ZNF177: variants seen among roughly 807,000 people sequenced by gnomAD.
ZNF177 encodes zinc finger protein 177.
In ZNF177, 17 loss-of-function variants were observed where a neutral mutation model predicts 19.4. That is an observed-to-expected ratio of 0.87 (90% CI 0.60 to 1.31). ZNF177 has a LOEUF of 1.31. Ranked by LOEUF, ZNF177 falls within the 40% of genes most tolerant of loss-of-function variation. The pLI, the probability that ZNF177 is intolerant of heterozygous loss-of-function variation, is 0.00. For synonymous variants in ZNF177, 220 were observed against 188.7 expected (o/e 1.17, Z -1.36); for missense variants, 633 against 561.8 (o/e 1.13, Z -1.28).
upstream of ZNF177, among the ~76,000 whole-genome samples, chr19:9,373,813 C>T (rs112194784): frequency 1.3e-4 from 20 of 151,942 alleles, no homozygotes; most frequent in Non-Finnish European, 2.2e-4. Flanking sequence ...GTATGTATTT[C>T]GTAAATATTT....
exon 2 of ZNF177, chr19:9,378,282 C>T: frequency 2.5e-6 from 4 of 1,613,234 alleles, no homozygotes; most frequent in Non-Finnish European, 3.4e-6. Context: ...GGACTCTGCC[C>T]AGCCAGGAAG....
In ZNF177 at chr19:9,380,794, A is replaced by G. The variant is rs2068185339; in HGVS notation, c.463A>G (p.Lys155Glu). Reference sequence around the variant, plus strand: ...ATGCTATAAATATATAAAGTATAGCAAAGTCTTCAACCATCCCTCAACTCT... The same window carrying G: ...ATGCTATAAATATATAAAGTATAGCGAAGTCTTCAACCATCCCTCAACTCT... The change falls in exon 6 of 6, where the codon AAA (lysine) becomes GAA (glutamate). Residue 155 changes from lysine to glutamate, a missense_variant. Physicochemically the swap from Lys to Glu is moderately conservative, Grantham distance 56. Transcript: ENST00000589262. The G allele has an allele frequency of 2.6e-6, 4 of 1,536,094 alleles. No homozygotes were observed. In the East Asian group the frequency reaches 9.8e-5, roughly 38 times the overall value.
chr19:9,380,715 G>T (rs763370021), exon 6 of ZNF177: 3 of 1,535,756 alleles, frequency 2.0e-6, no homozygotes, highest in African/African-American at 2.7e-5. Flanking sequence ...ACCATTGTGG[G>T]AAATTCAGAA....
At chr19:9,379,225 G>A in intron 3 of ZNF177, 137 bp downstream of exon 5, 1 of 1,363,812 alleles carries the variant, frequency 7.3e-7, no homozygotes, top group Non-Finnish European at 9.7e-7. Flanking sequence ...TGAGGGGGCA[G>A]TCCAGTGGCT....
At chr19:9,380,214 C>T in intron 5 of ZNF177, 75 bp downstream of exon 7, 5 of 1,479,682 alleles carry the variant, frequency 3.4e-6, no homozygotes, top group Non-Finnish European at 3.6e-6. Context: ...AACATCAGCA[C>T]CCAAAGCAGG....
At chr19:9,379,461 A>G (rs2068158075) in intron 3 of ZNF177, 66 bp from the exon 6 acceptor site, 1 of 1,547,600 alleles carries the variant, frequency 6.5e-7, no homozygotes, top group Admixed American at 2.0e-5. Context: ...AAAGTATGGC[A>G]ATCAGTTTTG....
In ZNF177 at chr19:9,364,485, G is replaced by A. The variant is rs142659309; in HGVS notation, c.-391-377G>A. Among the ~76,000 whole-genome samples the A allele has an allele frequency of 1.1e-3, 166 of 152,198 alleles. 1 individual carries two copies. The highest frequency in any genetic ancestry group is 3.9e-3 in the African/African-American group (161 of 41,494). ...TCTTAAACTGACAAGGGAATTAGTG[G>A]AATAACTCTTTTTGTCGTGTCGGTG... On this transcript the variant is annotated intron_variant, in intron 1 of 8. Transcript: ENST00000343499.
At chr19:9,378,555 A>T in intron 2 of ZNF177, 2 of 788,942 alleles carry the variant, frequency 2.5e-6, no homozygotes, top group Non-Finnish European at 4.0e-6. Flanking sequence ...CATATTTTTG[A>T]GTATGAATTC....
At chr19:9,375,885 T>C (rs1468680040), upstream of ZNF177, among the ~76,000 whole-genome samples, 1 of 152,148 alleles carries the variant, frequency 6.6e-6, no homozygotes, top group African/African-American at 2.4e-5. Flanking sequence ...TCTTTTTCCT[T>C]CTACTGACTT....
At chr19:9,367,902 T>C (rs1469543187) in intron 2 of ZNF177, among the ~76,000 whole-genome samples, 5 of 152,216 alleles carry the variant, frequency 3.3e-5, no homozygotes, top group Non-Finnish European at 7.3e-5. Context: ...AGCTCTTGCC[T>C]ATAGAGTGGA....
intron 2 of ZNF177, among the ~76,000 whole-genome samples, chr19:9,369,517 A>G (rs1480608366): frequency 2.6e-5 from 4 of 152,142 alleles, no homozygotes; most frequent in African/African-American, 9.6e-5. Flanking sequence ...ATGAAATAAC[A>G]TAGAGCTAGT....
At chr19:9,378,232 T>C (rs2068139897) in intron 1 of ZNF177, 27 bp from the exon 4 acceptor site, 1 of 1,591,396 alleles carries the variant, frequency 6.3e-7, no homozygotes, top group Non-Finnish European at 8.5e-7. Flanking sequence ...AGGCCTAGAC[T>C]CTAATGGCTT....
At chr19:9,367,136 C>T (rs377091986) in intron 2 of ZNF177, among the ~76,000 whole-genome samples, 1 of 152,090 alleles carries the variant, frequency 6.6e-6, no homozygotes, top group Non-Finnish European at 1.5e-5. Context: ...CTGGCTAACA[C>T]GGTGAAACCC....
At chr19:9,378,574 A>G in intron 2 of ZNF177, 1 of 677,490 alleles carries the variant, frequency 1.5e-6, no homozygotes, top group South Asian at 2.1e-5. Context: ...TCCATACTGT[A>G]GTGAGTGCTG....
At chr19:9,365,565 G>A (rs1055012938) in intron 2 of ZNF177, among the ~76,000 whole-genome samples, 2 of 152,160 alleles carry the variant, frequency 1.3e-5, no homozygotes, top group Non-Finnish European at 2.9e-5. Context: ...AGTACTTGCC[G>A]CTAAGGGTGA....
chr19:9,381,396 T>G (rs1335259170), exon 6 of ZNF177: 1 of 1,612,948 alleles, frequency 6.2e-7, no homozygotes. Flanking sequence ...CTTCATCCCT[T>G]CAGAAACATG....
At chr19:9,377,000 A>G (rs1434663924) in intron 1 of ZNF177, among the ~76,000 whole-genome samples, 1 of 152,084 alleles carries the variant, frequency 6.6e-6, no homozygotes, top group Non-Finnish European at 1.5e-5. Flanking sequence ...GGAAGTTTTT[A>G]TCTCTCCTTC....
At chr19:9,374,735 TGTTA>T (rs1206263222), upstream of ZNF177, among the ~76,000 whole-genome samples, 3 of 152,292 alleles carry the variant, frequency 2.0e-5, no homozygotes, top group Admixed American at 6.5e-5. Flanking sequence ...TGAATTTACA[TGTTA>T]GTTTTAACAT....
chr19:9,366,732 C>T (rs963929497), intron 2 of ZNF177, among the ~76,000 whole-genome samples: 5 of 152,224 alleles, frequency 3.3e-5, no homozygotes, highest in South Asian at 4.1e-4. Flanking sequence ...GTTCATGAGA[C>T]GAACTTTTAT....
Sources: allele counts gnomAD v4.1 joint callset (sites outside exome capture counted in the v4.1 genomes callset), GRCh38; gene constraint gnomAD v4.1.1; transcripts MANE v1.5; gene names NCBI Gene and HGNC (gene_info 2026-07-23, HGNC 2026-07-21).